The following P4HA1 variants were observed in gnomAD, a reference collection of about 807,000 sequenced individuals.
P4HA1 encodes prolyl 4-hydroxylase subunit alpha 1.
P4HA1 carries 24 observed loss-of-function variants against 72.8 expected under a neutral mutation model. That is an observed-to-expected ratio of 0.33 (90% CI 0.24 to 0.46). P4HA1 has a LOEUF of 0.46. P4HA1 is among the 20% of genes least tolerant of loss of function. The probability of loss-of-function intolerance (pLI) is 1.00; values close to 1 mark genes in which losing one functional copy is unlikely to be tolerated. For missense variants in P4HA1, 446 were observed against 640.6 expected (o/e 0.70, Z 3.28); for synonymous variants, 201 against 218.8 (o/e 0.92, Z 0.72).
intron 5 of P4HA1, among the ~76,000 whole-genome samples, chr10:73,057,016 C>G (rs1356626393): frequency 6.7e-6 from 1 of 149,114 alleles, no homozygotes; most frequent in East Asian, 2.0e-4. Context: ...GCCAAGATCA[C>G]GCCACTGCAC....
intron 5 of P4HA1, among the ~76,000 whole-genome samples, chr10:73,064,243 G>A (rs959059024): frequency 6.6e-6 from 1 of 152,096 alleles, no homozygotes. Flanking sequence ...GCGGGGTGCG[G>A]GGGGGTGGAT....
At chr10:73,077,682 C>T (rs551507183) in intron 1 of P4HA1, among the ~76,000 whole-genome samples, 2 of 152,004 alleles carry the variant, frequency 1.3e-5, no homozygotes, top group African/African-American at 4.8e-5. Context: ...AATTTCTAAA[C>T]TTAAAAATAA....
chr10:73,024,050 A>C (rs1349696086), intron 10 of P4HA1, among the ~76,000 whole-genome samples: 1 of 152,190 alleles, frequency 6.6e-6, no homozygotes, highest in Non-Finnish European at 1.5e-5. Flanking sequence ...GAGAGACTTT[A>C]ACACTCCACT....
intron 9 of P4HA1, among the ~76,000 whole-genome samples, chr10:73,035,832 C>G (rs1289739885): frequency 6.6e-6 from 1 of 152,094 alleles, no homozygotes; most frequent in Non-Finnish European, 1.5e-5. Context: ...TCAATCTTAG[C>G]AAGGCAAAAA....
chr10:73,051,568 T>A (rs898939310), intron 6 of P4HA1, among the ~76,000 whole-genome samples: 3 of 152,154 alleles, frequency 2.0e-5, no homozygotes, highest in African/African-American at 7.2e-5. Flanking sequence ...GAGACCAGCC[T>A]GACCAACATA....
chr10:73,030,501 T>C (rs189914342), intron 9 of P4HA1, 131 bp from the exon 10 acceptor site: 5 of 427,292 alleles, frequency 1.2e-5, no homozygotes, highest in African/African-American at 8.0e-5. Context: ...TAGTTCATTT[T>C]CTTGCTTAGT....
chr10:73,042,829 A>G (rs1162787831), intron 9 of P4HA1, among the ~76,000 whole-genome samples: 1 of 152,164 alleles, frequency 6.6e-6, no homozygotes, highest in African/African-American at 2.4e-5. Context: ...GCATCCAGTG[A>G]ACCACAGATG....
At chr10:73,027,667 G>T (rs976113946) in intron 10 of P4HA1, among the ~76,000 whole-genome samples, 2 of 134,820 alleles carry the variant, frequency 1.5e-5, no homozygotes, top group African/African-American at 5.6e-5. Flanking sequence ...AGAGAGGAAG[G>T]AAGGAAGTAA....
chr10:73,081,460 T>G (rs1317065685), intron 1 of P4HA1, among the ~76,000 whole-genome samples: 1 of 152,092 alleles, frequency 6.6e-6, no homozygotes, highest in Non-Finnish European at 1.5e-5. Context: ...TTTTAAACTA[T>G]AAGAAAAAAA....
At chr10:73,069,591 T>C (rs1357308152) in intron 4 of P4HA1, among the ~76,000 whole-genome samples, 1 of 152,080 alleles carries the variant, frequency 6.6e-6, no homozygotes, top group East Asian at 1.9e-4. Flanking sequence ...CAACCAAAAT[T>C]TACAATATAT....
intron 8 of P4HA1, among the ~76,000 whole-genome samples, chr10:73,045,983 G>A (rs1287592494): frequency 6.6e-6 from 1 of 151,798 alleles, no homozygotes; most frequent in Non-Finnish European, 1.5e-5. Flanking sequence ...ATATAATAAG[G>A]GTCAACAAAC....
chr10:73,022,082 AGCAGACAACTTCT>A, intron 10 of P4HA1, among the ~76,000 whole-genome samples: 1 of 152,376 alleles, frequency 6.6e-6, no homozygotes, highest in Middle Eastern at 3.4e-3. Flanking sequence ...AACAAAAGCC[AGCAGACAACTTCT>A]GCAGACTTAA....
At chr10:73,080,870 G>A (rs1331657977) in intron 1 of P4HA1, among the ~76,000 whole-genome samples, 1 of 152,210 alleles carries the variant, frequency 6.6e-6, no homozygotes, top group Non-Finnish European at 1.5e-5. Flanking sequence ...GGAGGTTGCA[G>A]TGAGCTGAGA....
chr10:73,024,185 AT>A (rs1431651669), intron 10 of P4HA1, among the ~76,000 whole-genome samples: 1 of 152,212 alleles, frequency 6.6e-6, no homozygotes, highest in Non-Finnish European at 1.5e-5. Flanking sequence ...TCAACAGAAT[AT>A]ACATTCTTCT....
At chr10:73,062,207 A>G (rs1841328677) in intron 5 of P4HA1, among the ~76,000 whole-genome samples, 1 of 152,216 alleles carries the variant, frequency 6.6e-6, no homozygotes, top group African/African-American at 2.4e-5. Context: ...TGGTGATGGC[A>G]TAGGTTCATT....
chr10:73,056,559 G>C (rs1010590308), intron 5 of P4HA1, among the ~76,000 whole-genome samples: 10 of 152,112 alleles, frequency 6.6e-5, no homozygotes, highest in Non-Finnish European at 1.3e-4. Flanking sequence ...TTGAACCTGA[G>C]AGGCAGAGGT....
chr10:73,030,983 T>TATCA (rs1158849239), intron 9 of P4HA1, among the ~76,000 whole-genome samples: 1 of 152,170 alleles, frequency 6.6e-6, no homozygotes, highest in Non-Finnish European at 1.5e-5. Flanking sequence ...TAAACACAGT[T>TATCA]ATCAAATGAC....
chr10:73,095,195 A>G (rs1201939983), intron 1 of P4HA1, among the ~76,000 whole-genome samples: 1 of 149,586 alleles, frequency 6.7e-6, no homozygotes, highest in Non-Finnish European at 1.5e-5. Flanking sequence ...TTTGAAGTTC[A>G]CATTTCAGAT....
At position 73,072,160 on chromosome 10, in the gene P4HA1, C is replaced by A; in HGVS notation, c.194G>T (p.Arg65Leu). The part of the protein sequence containing the change: ...QIKKWAEKLD[R>L]LTSTATKDPE... Reference sequence around the variant, plus strand: ...ATCTTTTGTCGCTGTACTAGTTAGCCGATCTAACTTCTCTGCCCATCTACA... The same window carrying A: ...ATCTTTTGTCGCTGTACTAGTTAGCAGATCTAACTTCTCTGCCCATCTACA... The change falls in exon 4 of 15, where the codon CGG (arginine) becomes CTG (leucine). Residue 65 changes from arginine to leucine, a missense_variant. Transcript: ENST00000394890. 1.9e-6 allele frequency: 3 copies of A among 1,611,692 alleles called. No homozygotes were observed. The highest frequency in any genetic ancestry group is 2.5e-6 in the Non-Finnish European group (3 of 1,178,422).
Sources: gnomAD v4.1 joint callset for allele counts (sites outside exome capture counted in the v4.1 genomes callset) on GRCh38, gnomAD v4.1.1 for gene constraint, MANE v1.5 for transcripts, NCBI Gene and HGNC (gene_info 2026-07-23, HGNC 2026-07-21) for gene names.